MIB1: variants seen among roughly 807,000 people sequenced by gnomAD.
The protein encoded by MIB1 is E3 ubiquitin-protein ligase MIB1.
In MIB1, 278 loss-of-function variants were observed where a neutral mutation model predicts 124.5. The ratio of observed to expected loss-of-function variants is 2.23; its 90% CI spans 2.02 to 2.47. The LOEUF (loss-of-function observed/expected upper bound fraction) is 2.47. MIB1 is among the 30% of genes most tolerant of loss of function. The pLI, the probability that MIB1 is intolerant of heterozygous loss-of-function variation, is 0.00. For missense variants in MIB1, 957 were observed against 1,254.4 expected, an observed-to-expected ratio of 0.76 and a Z score of 3.58; for synonymous variants, 446 against 429.4, an observed-to-expected ratio of 1.04 and a Z score of -0.48.
intron 1 of MIB1, among the ~76,000 whole-genome samples, chr18:21,756,054 C>A (rs2041028000): frequency 6.6e-6 from 1 of 152,044 alleles, no homozygotes; most frequent in Admixed American, 6.6e-5. Flanking sequence ...CATCCCTTAC[C>A]CCCCAGTTTC....
chr18:21,771,716 C>A (rs993289159), intron 3 of MIB1, among the ~76,000 whole-genome samples: 1 of 151,912 alleles, frequency 6.6e-6, no homozygotes. Context: ...CATGGGTGTT[C>A]AGTTTATTTT....
intron 1 of MIB1, among the ~76,000 whole-genome samples, chr18:21,722,706 A>G (rs1456459293): frequency 6.6e-6 from 1 of 152,076 alleles, no homozygotes; most frequent in Non-Finnish European, 1.5e-5. Context: ...GCTTGAAGAA[A>G]ACTGGTCAGG....
chr18:21,807,395 G>A (rs1201929165), intron 10 of MIB1, among the ~76,000 whole-genome samples: 1 of 152,164 alleles, frequency 6.6e-6, no homozygotes, highest in Non-Finnish European at 1.5e-5. Flanking sequence ...TTGCACCACT[G>A]CACTCCAGCC....
At chr18:21,732,869 C>T (rs1399333568) in intron 1 of MIB1, among the ~76,000 whole-genome samples, 1 of 152,192 alleles carries the variant, frequency 6.6e-6, no homozygotes, top group African/African-American at 2.4e-5. Context: ...TGGAGAAGAA[C>T]TCTCTGGTGA....
intron 10 of MIB1, among the ~76,000 whole-genome samples, chr18:21,810,719 A>G (rs963990417): frequency 6.6e-6 from 1 of 151,846 alleles, no homozygotes; most frequent in Non-Finnish European, 1.5e-5. Flanking sequence ...CTAACACTAT[A>G]TACAAAAATA....
intron 6 of MIB1, among the ~76,000 whole-genome samples, chr18:21,786,388 C>T (rs1201420118): frequency 2.0e-5 from 3 of 152,204 alleles, no homozygotes; most frequent in Admixed American, 6.5e-5. Context: ...TGAGCCGCTG[C>T]GCCCAGCTCT....
Position 21,744,542 on chromosome 18 carries a change from T to C in MIB1, c.229+2730T>C, listed in dbSNP as rs77798198. Reference sequence around the variant, plus strand: ...GTGGTTATTATTAGTGTCCTACTAGTATTCTTTTTCTCATCCAAGATCACA... The same window carrying C: ...GTGGTTATTATTAGTGTCCTACTAGCATTCTTTTTCTCATCCAAGATCACA... On this transcript the variant is annotated intron_variant, in intron 1 of 20. Transcript: ENST00000261537. Among the ~76,000 whole-genome samples, 998 of 152,334 alleles carry C rather than the reference T, an allele frequency of 6.6e-3. 11 individuals are homozygous for C. Among genetic ancestry groups the C allele is most frequent in the African/African-American group, 0.023 (957 of 41,588 alleles).
intron 6 of MIB1, among the ~76,000 whole-genome samples, chr18:21,782,066 T>C (rs2041375329): frequency 6.6e-6 from 1 of 152,200 alleles, no homozygotes; most frequent in Non-Finnish European, 1.5e-5. Flanking sequence ...GTTTTTGCTT[T>C]TCTAGTTCCT....
At position 21,864,424 on chromosome 18, in the gene MIB1, T is replaced by G. The variant is rs1026500010; in HGVS notation, c.2881-102T>G. ...ATTGTTTTTAAAAACCACCAAAATA[T>G]TATTTGACTAAAACAACTAAAGAAA... On this transcript the variant is annotated intron_variant, in intron 20 of 20. Coordinates refer to ENST00000261537, the MANE Select transcript of MIB1 (RefSeq NM_020774.4). The G allele has an allele frequency of 9.6e-6, 9 of 935,794 alleles. No homozygotes were observed. The African/African-American group carries it at 1.3e-4, about 14-fold the overall frequency. The allele number at this position is 935,794 out of a possible 1,614,324, so 58.0% of individuals were successfully genotyped here. A position where few individuals can be genotyped will look rare whatever the true frequency, so the allele number is the denominator to read the frequency against.
chr18:21,726,846 T>G (rs2040744498), intron 1 of MIB1, among the ~76,000 whole-genome samples: 1 of 152,106 alleles, frequency 6.6e-6, no homozygotes, highest in Non-Finnish European at 1.5e-5. Context: ...CTAAGTTCAG[T>G]GAAAAATGTG....
chr18:21,793,174 C>T (rs2092528589), intron 7 of MIB1, among the ~76,000 whole-genome samples: 1 of 152,190 alleles, frequency 6.6e-6, no homozygotes, highest in Non-Finnish European at 1.5e-5. Context: ...ATTGTCTTAG[C>T]AGCACCTGAA....
intron 3 of MIB1, among the ~76,000 whole-genome samples, chr18:21,770,737 T>G (rs1452435415): frequency 6.6e-6 from 1 of 152,162 alleles, no homozygotes; most frequent in Non-Finnish European, 1.5e-5. Flanking sequence ...CTCTTTATTA[T>G]GGAGTATTTC....
At chr18:21,768,829 A>G in intron 3 of MIB1, 77 bp downstream of exon 3, 1 of 1,264,126 alleles carries the variant, frequency 7.9e-7, no homozygotes, top group Non-Finnish European at 1.0e-6. Context: ...ACTATAAATG[A>G]ATTTCTTGGT....
intron 9 of MIB1, among the ~76,000 whole-genome samples, chr18:21,801,270 G>T (rs1462565852): frequency 1.3e-5 from 2 of 152,000 alleles, no homozygotes; most frequent in Non-Finnish European, 2.9e-5. Context: ...CACAGTGGAA[G>T]GTGAGGATTT....
At chr18:21,819,950 TA>T (rs2041864424) in intron 12 of MIB1, among the ~76,000 whole-genome samples, 1 of 152,198 alleles carries the variant, frequency 6.6e-6, no homozygotes, top group Non-Finnish European at 1.5e-5. Flanking sequence ...TTCTTCAAAA[TA>T]ATTATCTGGG....
chr18:21,734,827 C>T (rs543542818), intron 1 of MIB1, among the ~76,000 whole-genome samples: 35 of 152,280 alleles, frequency 2.3e-4, no homozygotes, highest in South Asian at 4.1e-4. Context: ...CCGCTCCCAG[C>T]CAGGGACTCT....
intron 1 of MIB1, among the ~76,000 whole-genome samples, chr18:21,713,683 G>A (rs2040676035): frequency 6.9e-6 from 1 of 144,552 alleles, no homozygotes; most frequent in Non-Finnish European, 1.5e-5. Context: ...CTGAGCTCAA[G>A]TAATCCTGCC....
At chr18:21,757,218 A>C (rs1370461481) in intron 1 of MIB1, among the ~76,000 whole-genome samples, 1 of 151,592 alleles carries the variant, frequency 6.6e-6, no homozygotes, top group Non-Finnish European at 1.5e-5. Context: ...TTGGGAGGCT[A>C]AGGTGGGTGG....
rs200066801 is a variant in MIB1 at position 21,720,491 on chromosome 18, AT to A, written n.167+15381del. On this transcript the variant is annotated intron_variant and non_coding_transcript_variant, in intron 1 of 20. Transcript: ENST00000578646. ...TTATTAAATACATTATTTTCAAATA[AT>A]TTTTTTTTTTTTAGAAAGTGGAAGG... 7.8e-3 allele frequency among the ~76,000 whole-genome samples: 1,148 copies of A among 147,638 alleles called. 8 individuals are homozygous for A. Among genetic ancestry groups the A allele is most frequent in the African/African-American group, 0.023 (938 of 40,558 alleles).
Sources: gnomAD v4.1 joint callset for allele counts (sites outside exome capture counted in the v4.1 genomes callset) on GRCh38, gnomAD v4.1.1 for gene constraint, MANE v1.5 for transcripts, NCBI Gene and HGNC (gene_info 2026-07-23, HGNC 2026-07-21) for gene names.